The following FHIT variants were observed in gnomAD, a reference collection of about 807,000 sequenced individuals.
The protein encoded by FHIT is bis(5'-adenosyl)-triphosphatase.
In FHIT, 19 loss-of-function variants were observed where a neutral mutation model predicts 17.9. That is an observed-to-expected ratio of 1.06 (90% confidence interval 0.74 to 1.56). The LOEUF (loss-of-function observed/expected upper bound fraction) is 1.56. FHIT is among the 40% of genes most tolerant of loss of function. The pLI is 0.00. For synonymous variants in FHIT, 81 were observed against 69.7 expected, an observed-to-expected ratio of 1.16 and a Z score of -0.81; for missense variants, 248 against 189.2, an observed-to-expected ratio of 1.31 and a Z score of -1.82.
At chr3:59,884,696 C>T (rs73100668) in intron 8 of FHIT, among the ~76,000 whole-genome samples, 5,451 of 152,156 alleles carry the variant, frequency 0.036, 107 homozygotes, top group South Asian at 0.064. Context: ...AGGGGAGTCA[C>T]GCTATGGGAC....
intron 5 of FHIT, among the ~76,000 whole-genome samples, chr3:60,179,361 T>G (rs190379763): frequency 1.3e-5 from 2 of 152,378 alleles, no homozygotes; most frequent in South Asian, 4.1e-4. Context: ...TTTCACACTA[T>G]GCATACTTCT....
intron 8 of FHIT, among the ~76,000 whole-genome samples, chr3:59,789,360 C>A (rs1251772694): frequency 6.6e-6 from 1 of 152,280 alleles, no homozygotes; most frequent in Non-Finnish European, 1.5e-5. Context: ...GCACATTTCA[C>A]GTTCAGAAAA....
In FHIT at chr3:61,186,527, C is replaced by A. The variant is rs1469827438; in HGVS notation, c.-164+14090G>T. Among the ~76,000 whole-genome samples, 4 of 152,208 alleles carry A rather than the reference C, an allele frequency of 2.6e-5. No homozygotes were observed. In the East Asian group the frequency reaches 7.7e-4, roughly 29 times the overall value. ...TGGCTGGATATGCAAAGAAGCCAGTCTGCAGACAGAAGAGGTGAGAGGCTA... is the reference window on the plus strand; with the variant it reads ...TGGCTGGATATGCAAAGAAGCCAGTATGCAGACAGAAGAGGTGAGAGGCTA... On this transcript the variant is annotated intron_variant, in intron 2 of 9. Coordinates refer to ENST00000492590, the MANE Select transcript of FHIT (RefSeq NM_002012.4).
At chr3:59,813,799 C>T (rs1363987459) in intron 8 of FHIT, among the ~76,000 whole-genome samples, 5 of 152,064 alleles carry the variant, frequency 3.3e-5, no homozygotes, top group South Asian at 4.2e-4. Flanking sequence ...TGGGCATACA[C>T]GTGACTCAAT....
intron 5 of FHIT, among the ~76,000 whole-genome samples, chr3:60,356,753 C>CGAAAAAAAAAA (rs1699672291): frequency 1.7e-5 from 1 of 58,680 alleles, no homozygotes; most frequent in Non-Finnish European, 3.0e-5. Flanking sequence ...AAGACAGAGA[C>CGAAAAAAAAAA]AAAAAAAAAA....
intron 5 of FHIT, among the ~76,000 whole-genome samples, chr3:60,135,341 C>T (rs1046360396): frequency 1.3e-5 from 2 of 152,058 alleles, no homozygotes; most frequent in Non-Finnish European, 2.9e-5. Context: ...GCTTAAGTTT[C>T]AAGCACAGCA....
At chr3:60,493,825 C>T (rs911570476) in intron 5 of FHIT, among the ~76,000 whole-genome samples, 157 of 152,058 alleles carry the variant, frequency 1.0e-3, no homozygotes, top group Non-Finnish European at 2.1e-4. Flanking sequence ...TTATTAGATT[C>T]TCATTTAAGA....
intron 8 of FHIT, among the ~76,000 whole-genome samples, chr3:59,773,358 A>C (rs1248729519): frequency 6.6e-6 from 1 of 152,190 alleles, no homozygotes; most frequent in African/African-American, 2.4e-5. Flanking sequence ...GGGGTACCTA[A>C]TCCAGCATGG....
At chr3:59,844,416 G>A (rs78316259) in intron 8 of FHIT, among the ~76,000 whole-genome samples, 5,929 of 152,134 alleles carry the variant, frequency 0.039, 168 homozygotes, top group Non-Finnish European at 0.058. Context: ...TGAACATGAT[G>A]TTCAATGTGG....
At chr3:60,853,413 T>C (rs1006683195) in intron 3 of FHIT, among the ~76,000 whole-genome samples, 2 of 152,118 alleles carry the variant, frequency 1.3e-5, no homozygotes, top group Admixed American at 1.3e-4. Flanking sequence ...TCATAGCCCC[T>C]GGAATCATGA....
intron 4 of FHIT, among the ~76,000 whole-genome samples, chr3:60,626,785 C>T (rs60098698): frequency 0.42 from 55,986 of 133,818 alleles, 11,674 homozygotes; most frequent in East Asian, 0.69. Context: ...GGAAAACACT[C>T]TTTTTTTTTT....
At chr3:60,494,723 C>A (rs185768557) in intron 5 of FHIT, among the ~76,000 whole-genome samples, 1 of 152,068 alleles carries the variant, frequency 6.6e-6, no homozygotes, top group Non-Finnish European at 1.5e-5. Context: ...TGAGAACATA[C>A]AGTATTTGTC....
chr3:60,197,666 C>G (rs1482612007), intron 5 of FHIT, among the ~76,000 whole-genome samples: 2 of 152,132 alleles, frequency 1.3e-5, no homozygotes, highest in Admixed American at 1.3e-4. Context: ...CTTAGTACTT[C>G]CGAGGTTGTT....
chr3:60,188,129 G>A (rs1702237554), intron 5 of FHIT, among the ~76,000 whole-genome samples: 1 of 149,822 alleles, frequency 6.7e-6, no homozygotes, highest in East Asian at 2.0e-4. Context: ...ACTGTTTTCT[G>A]ATTTCAACAT....
chr3:59,966,605 T>C (rs1707937579), intron 7 of FHIT, among the ~76,000 whole-genome samples: 1 of 152,166 alleles, frequency 6.6e-6, no homozygotes, highest in Non-Finnish European at 1.5e-5. Flanking sequence ...CTGTAGTTAA[T>C]GGTAACATAA....
intron 8 of FHIT, among the ~76,000 whole-genome samples, chr3:59,761,177 C>G (rs1361860710): frequency 2.6e-5 from 4 of 152,152 alleles, no homozygotes; most frequent in Non-Finnish European, 5.9e-5. Flanking sequence ...GTGGCAAGAG[C>G]CTGACTCCCA....
intron 5 of FHIT, among the ~76,000 whole-genome samples, chr3:60,372,224 T>C (rs1296041284): frequency 6.6e-6 from 1 of 152,124 alleles, no homozygotes; most frequent in Non-Finnish European, 1.5e-5. Context: ...TCCTACCTCC[T>C]TCTGTGAGAA....
chr3:60,395,413 C>T (rs908152464), intron 5 of FHIT, among the ~76,000 whole-genome samples: 12 of 152,024 alleles, frequency 7.9e-5, no homozygotes, highest in Non-Finnish European at 1.6e-4. Context: ...AGCTTTTAGG[C>T]GGTATGAATT....
intron 2 of FHIT, among the ~76,000 whole-genome samples, chr3:61,140,883 T>C (rs896149504): frequency 3.3e-5 from 5 of 152,234 alleles, no homozygotes; most frequent in African/African-American, 9.6e-5. Flanking sequence ...GATAAGTATA[T>C]GCCATTCTTA....
Sources: gnomAD v4.1 joint callset for allele counts (sites outside exome capture counted in the v4.1 genomes callset) on GRCh38, gnomAD v4.1.1 for gene constraint, MANE v1.5 for transcripts, NCBI Gene and HGNC (gene_info 2026-07-23, HGNC 2026-07-21) for gene names.